Variants in HERC3 observed in about 807,000 individuals in gnomAD.
HERC3 encodes the protein HECT and RLD domain containing E3 ubiquitin protein ligase 3, also known as probable E3 ubiquitin-protein ligase HERC3.
A neutral mutation model predicts 129.9 loss-of-function variants in HERC3; 58 were observed. That is an observed-to-expected ratio of 0.45 (90% CI 0.36 to 0.56). HERC3 has a LOEUF of 0.56. HERC3 is among the 20% of genes least tolerant of loss of function. The probability of loss-of-function intolerance (pLI) is 0.00; values close to 1 mark genes in which losing one functional copy is unlikely to be tolerated. For missense variants in HERC3, 835 were observed against 1,244.2 expected, an observed-to-expected ratio of 0.67 and a Z score of 4.95; for synonymous variants, 430 against 451.0, an observed-to-expected ratio of 0.95 and a Z score of 0.59.
intron 3 of HERC3, among the ~76,000 whole-genome samples, chr4:88,607,469 T>C (rs1319906662): frequency 1.3e-5 from 2 of 152,138 alleles, no homozygotes; most frequent in Non-Finnish European, 2.9e-5. Flanking sequence ...CACCTATTTT[T>C]ACATTTTTTT....
Position 88,663,902 on chromosome 4 carries a change from G to C in HERC3, c.1272-251G>C, listed in dbSNP as rs1730771502. Among the ~76,000 whole-genome samples the C allele has an allele frequency of 2.6e-5, 4 of 152,094 alleles. 1 individual carries two copies. In the South Asian group the frequency reaches 8.3e-4, roughly 31 times the overall value. On this transcript the variant is annotated intron_variant, in intron 11 of 25. Coordinates refer to ENST00000402738, the MANE Select transcript of HERC3 (RefSeq NM_014606.3). ...GAAAAATATTCAAGAACATTATTGG[G>C]ACAAGAGGTTTTCTTTCAGGAGCTT...
At chr4:88,524,198 A>G in the HERC3 span, among the ~76,000 whole-genome samples, 5 of 152,306 alleles carry the variant, frequency 3.3e-5, no homozygotes, top group Admixed American at 2.0e-4. Flanking sequence ...TAGTTTCTGT[A>G]ACCTTGTTTG....
rs1410454182 is a variant in HERC3, at chr4:88,651,512, A to C, written c.387-500A>C. On this transcript the variant is annotated intron_variant, in intron 4 of 25. Transcript: ENST00000402738. ...TACTTACTATGTACCTTACAGGGTT[A>C]TGGGGAGGATAGAAGGAGACAAGTA... Among the ~76,000 whole-genome samples the C allele has an allele frequency of 2.6e-5, 4 of 152,316 alleles. No homozygotes were observed. In the East Asian group the frequency reaches 7.7e-4, roughly 29 times the overall value.
intron 12 of HERC3, 71 bp from the exon 13 acceptor site, chr4:88,667,306 C>G: frequency 1.3e-6 from 1 of 748,030 alleles, no homozygotes; most frequent in East Asian, 2.8e-5. Flanking sequence ...CAGTATTTTA[C>G]TTGTTTATAA....
chr4:88,549,730 G>T, the HERC3 span, among the ~76,000 whole-genome samples: 1 of 151,390 alleles, frequency 6.6e-6, no homozygotes, highest in Non-Finnish European at 1.5e-5. Flanking sequence ...TTAGAGATGG[G>T]GTCTCGCTCT....
At chr4:88,567,764 A>G in the HERC3 span, among the ~76,000 whole-genome samples, 1 of 152,190 alleles carries the variant, frequency 6.6e-6, no homozygotes, top group East Asian at 1.9e-4. Context: ...GAAAGGTCAT[A>G]TATCTCTGTT....
chr4:88,654,346 TTTCATATATATATATATA>T (rs1328937935), intron 7 of HERC3, among the ~76,000 whole-genome samples: 1 of 79,728 alleles, frequency 1.3e-5, no homozygotes, highest in Admixed American at 1.5e-4. Context: ...CTTGTAGATT[TTTCATATATATATATATA>T]TATATATATA....
chr4:88,589,989 C>G (rs1276021369), upstream of HERC3, among the ~76,000 whole-genome samples: 1 of 152,160 alleles, frequency 6.6e-6, no homozygotes, highest in Admixed American at 6.5e-5. Context: ...CTTGAGCCGG[C>G]CGGCACGGAG....
intron 2 of HERC3, among the ~76,000 whole-genome samples, chr4:88,598,662 A>C (rs186534366): frequency 1.3e-5 from 2 of 152,208 alleles, no homozygotes; most frequent in Non-Finnish European, 2.9e-5. Context: ...TTTTCTCATT[A>C]ATCCTCACAA....
chr4:88,589,240 C>T (rs1026875969), upstream of HERC3, among the ~76,000 whole-genome samples: 1 of 152,004 alleles, frequency 6.6e-6, no homozygotes, highest in East Asian at 1.9e-4. Context: ...AAGGCGTGCC[C>T]CACCATGCCT....
At chr4:88,660,221 A>C (rs1178693810) in intron 10 of HERC3, among the ~76,000 whole-genome samples, 1 of 148,530 alleles carries the variant, frequency 6.7e-6, no homozygotes, top group Non-Finnish European at 1.5e-5. Context: ...TTTTTTTTTG[A>C]GATGGAGTCT....
At chr4:88,532,351 C>A in the HERC3 span, among the ~76,000 whole-genome samples, 1 of 152,132 alleles carries the variant, frequency 6.6e-6, no homozygotes, top group African/African-American at 2.4e-5. Flanking sequence ...CCACGGGAGC[C>A]AACAGTGTAG....
At chr4:88,555,290 A>AAAAAAG in the HERC3 span, among the ~76,000 whole-genome samples, 211 of 149,952 alleles carry the variant, frequency 1.4e-3, 1 homozygote, top group African/African-American at 3.8e-3. Context: ...TCAAAAAAAA[A>AAAAAAG]AAAAAGAAAA....
chr4:88,617,177 A>C (rs998263236), intron 3 of HERC3, among the ~76,000 whole-genome samples: 3 of 137,178 alleles, frequency 2.2e-5, no homozygotes, highest in Admixed American at 1.4e-4. Flanking sequence ...CCTGTCTCCA[A>C]AAAAAAAAAA....
the HERC3 span, among the ~76,000 whole-genome samples, chr4:88,560,956 A>G: frequency 6.6e-6 from 1 of 152,166 alleles, no homozygotes; most frequent in East Asian, 1.9e-4. Flanking sequence ...GTCTGTTTCT[A>G]TGCCAGTATA....
At chr4:88,616,400 G>C (rs1462475154) in intron 3 of HERC3, among the ~76,000 whole-genome samples, 1 of 152,176 alleles carries the variant, frequency 6.6e-6, no homozygotes, top group African/African-American at 2.4e-5. Context: ...ACTACTTTAT[G>C]GTGCTCCTGA....
intron 1 of HERC3, chr4:88,593,126 T>A (rs561786816): frequency 2.0e-5 from 3 of 152,014 alleles, no homozygotes; most frequent in African/African-American, 7.2e-5. Context: ...GTGCACGGCG[T>A]CCGCGATGAC....
chr4:88,579,219 TAAAAA>T, the HERC3 span, among the ~76,000 whole-genome samples: 6 of 117,052 alleles, frequency 5.1e-5, no homozygotes, highest in African/African-American at 2.2e-4. Context: ...CTGTCTCTAC[TAAAAA>T]AAAAAAAAAT....
chr4:88,663,712 A>G (rs1236227402), intron 11 of HERC3, among the ~76,000 whole-genome samples: 1 of 152,164 alleles, frequency 6.6e-6, no homozygotes, highest in Non-Finnish European at 1.5e-5. Flanking sequence ...ACTATTTTTT[A>G]ATTTATGTCT....
Sources: allele counts gnomAD v4.1 joint callset (sites outside exome capture counted in the v4.1 genomes callset), GRCh38; gene constraint gnomAD v4.1.1; transcripts MANE v1.5; gene names NCBI Gene and HGNC (gene_info 2026-07-23, HGNC 2026-07-21).